The following RABEPK variants were observed in gnomAD, a reference collection of about 807,000 sequenced individuals.
RABEPK encodes Rab9 effector protein with kelch motifs, also known as 40 kDa Rab9 effector protein.
A neutral mutation model predicts 34.1 loss-of-function variants in RABEPK; 27 were observed. The ratio of observed to expected loss-of-function variants is 0.79; its 90% CI spans 0.58 to 1.09. The LOEUF is 1.09. Ranked by LOEUF, RABEPK falls within the 50% of genes least tolerant of loss-of-function variation. RABEPK has a pLI of 0.00. For missense variants in RABEPK, 449 were observed against 462.6 expected, an observed-to-expected ratio of 0.97 and a Z score of 0.27; for synonymous variants, 172 against 169.2, an observed-to-expected ratio of 1.02 and a Z score of -0.13.
At chr9:125,216,643 C>T (rs2131394495) in intron 4 of RABEPK, among the ~76,000 whole-genome samples, 1 of 152,104 alleles carries the variant, frequency 6.6e-6, no homozygotes, top group Middle Eastern at 3.4e-3. Context: ...TTGTTGAATA[C>T]TCAGGGTACA....
In RABEPK at chr9:125,206,497, C is replaced by CAA. The variant is rs34754516; in HGVS notation, c.54-1056_54-1055dup. ...TGGGCAACAGAGCGAGACTCCGTCTCAAAAAAAAAAAAGAGAGAGAGAGAT... is the reference window on the plus strand; with the variant it reads ...TGGGCAACAGAGCGAGACTCCGTCTCAAAAAAAAAAAAAAGAGAGAGAGAGAT... On this transcript the variant is annotated intron_variant, in intron 2 of 7. Coordinates refer to ENST00000373538, the MANE Select transcript of RABEPK (RefSeq NM_005833.4). Among the ~76,000 whole-genome samples, 24 of 139,838 alleles carry CAA rather than the reference C, an allele frequency of 1.7e-4. No homozygotes were observed. In the East Asian group the frequency reaches 2.5e-3, roughly 14 times the overall value. The allele number at this position is 139,838 out of a possible 152,430, so 91.7% of individuals were successfully genotyped here.
chr9:125,212,936 C>T (rs917205383), intron 3 of RABEPK, among the ~76,000 whole-genome samples: 4 of 151,818 alleles, frequency 2.6e-5, no homozygotes, highest in Admixed American at 6.6e-5. Flanking sequence ...CCAAAGTGCT[C>T]GGATTACAGG....
intron 2 of RABEPK, among the ~76,000 whole-genome samples, chr9:125,204,031 C>T (rs1374177862): frequency 1.2e-5 from 1 of 82,186 alleles, no homozygotes; most frequent in African/African-American, 4.7e-5. Flanking sequence ...GAATCCGTTT[C>T]AAAAAAAAAA....
At chr9:125,215,564 G>A (rs976335776) in intron 4 of RABEPK, among the ~76,000 whole-genome samples, 5 of 151,732 alleles carry the variant, frequency 3.3e-5, no homozygotes, top group East Asian at 1.9e-4. Context: ...TTCCTGCCTC[G>A]GCCTCCTGAA....
chr9:125,211,300 C>T (rs925067127), intron 3 of RABEPK, among the ~76,000 whole-genome samples: 2 of 151,616 alleles, frequency 1.3e-5, no homozygotes, highest in Non-Finnish European at 2.9e-5. Context: ...CAGGCACGTG[C>T]CACCATGCCC....
Position 125,213,471 on chromosome 9 carries a change from G to A in RABEPK, c.313G>A (p.Gly105Arg), listed in dbSNP as rs1830719068. 1 of 1,614,082 alleles carries A rather than the reference G, an allele frequency of 6.2e-7. No individual in the cohort carries two copies. The highest frequency in any genetic ancestry group is 8.5e-7 in the Non-Finnish European group (1 of 1,180,004). The change falls in exon 4 of 8, where the codon GGA becomes AGA. Residue 105 changes from glycine (G) to arginine (R), a missense_variant. By Grantham distance (125) the Gly-to-Arg change is moderately radical (BLOSUM62 -2). Transcript: ENST00000373538. Reference sequence around the variant, plus strand: ...CACACCTGACCGTATCTGGGTATTTGGAGGTGCCAACCAATCAGGAAATCG... The same window carrying A: ...CACACCTGACCGTATCTGGGTATTTAGAGGTGCCAACCAATCAGGAAATCG... ...SCTPDRIWVF[G>R]GANQSGNRNC...
intron 3 of RABEPK, among the ~76,000 whole-genome samples, chr9:125,210,395 C>T (rs1195527121): frequency 8.7e-6 from 1 of 115,192 alleles, no homozygotes. Context: ...CAGAGCAAGT[C>T]TCCGTCTCAA....
chr9:125,221,678 T>C (rs1166867942), intron 5 of RABEPK: 1 of 151,320 alleles, frequency 6.6e-6, no homozygotes, highest in African/African-American at 2.4e-5. Flanking sequence ...TTTTTTCTTT[T>C]TCTTTTTTTT....
chr9:125,214,954 C>A (rs1050241583), intron 4 of RABEPK, among the ~76,000 whole-genome samples: 1 of 151,948 alleles, frequency 6.6e-6, no homozygotes, highest in Non-Finnish European at 1.5e-5. Flanking sequence ...CCATGCCTGG[C>A]TAATTTTGTA....
intron 5 of RABEPK, 199 bp downstream of exon 5, chr9:125,220,899 G>GC (rs1831286916): frequency 1.6e-6 from 1 of 624,766 alleles, no homozygotes. Flanking sequence ...TGGCATGGTG[G>GC]CTCACACCTG....
At chr9:125,216,193 C>T (rs144973489) in intron 4 of RABEPK, among the ~76,000 whole-genome samples, 17 of 152,002 alleles carry the variant, frequency 1.1e-4, no homozygotes, top group African/African-American at 3.6e-4. Context: ...CTGAGGAGGG[C>T]GAGGCAGGAG....
chr9:125,223,837 A>ATAT (rs1459072400), intron 5 of RABEPK, among the ~76,000 whole-genome samples: 2 of 152,110 alleles, frequency 1.3e-5, no homozygotes, highest in Non-Finnish European at 2.9e-5. Context: ...AACAACCAGC[A>ATAT]GGCATACCAT....
At chr9:125,220,286 G>A (rs1831231523) in intron 4 of RABEPK, 23 of 1,377,026 alleles carry the variant, frequency 1.7e-5, no homozygotes, top group Non-Finnish European at 2.2e-5. Context: ...ACAGGCATGA[G>A]CCACACTGCA....
In RABEPK at chr9:125,234,035, A is replaced by G. The variant is rs1447876089; in HGVS notation, c.*55A>G. Reference sequence around the variant, plus strand: ...TACTTTCAGAATAGTTAAGTAAAACATTAGCTGTTTTATACCTCCAAAATA... The same window carrying G: ...TACTTTCAGAATAGTTAAGTAAAACGTTAGCTGTTTTATACCTCCAAAATA... On this transcript the variant is annotated 3_prime_UTR_variant, in exon 8 of 8. Transcript: ENST00000373538. 23 of 1,461,494 alleles carry G rather than the reference A, an allele frequency of 1.6e-5. No homozygotes were observed. Among genetic ancestry groups the G allele is most frequent in the Non-Finnish European group, 2.0e-5 (21 of 1,067,934 alleles). The allele number at this position is 1,461,494 out of a possible 1,614,324, so 90.5% of individuals were successfully genotyped here.
rs761662230 is a variant in RABEPK at position 125,213,446 on chromosome 9, C to T, written c.288C>T (p.Cys96=). The T allele has an allele frequency of 1.2e-6, 2 of 1,614,074 alleles. No individual in the cohort carries two copies. Among genetic ancestry groups the T allele is most frequent in the South Asian group, 1.1e-5 (1 of 91,082 alleles). ...AACATGCTAGCTTCATTCCCTCCTG[C>T]ACACCTGACCGTATCTGGGTATTTG... is the stretch of plus-strand genomic sequence containing the variant. ...RYEHASFIPS[C]TPDRIWVFGG... Residue 96 remains cysteine, a synonymous_variant, in exon 4 of 8, where the codon TGC becomes TGT. Transcript: ENST00000373538.
At chr9:125,205,761 T>G (rs148884706) in intron 2 of RABEPK, among the ~76,000 whole-genome samples, 1,784 of 152,310 alleles carry the variant, frequency 0.012, 19 homozygotes, top group Non-Finnish European at 0.016. Flanking sequence ...GTGCTGGGAT[T>G]ACAGGCGTGA....
Position 125,228,050 on chromosome 9 carries a change from A to G in RABEPK, c.667A>G (p.Ile223Val), listed in dbSNP as rs142842277. The G allele has an allele frequency of 6.3e-7, 1 of 1,577,944 alleles. No individual in the cohort carries two copies. The highest frequency in any genetic ancestry group is 1.4e-5 in the African/African-American group (1 of 73,708). Residue 223 changes from isoleucine (I) to valine (V), a missense_variant, in exon 6 of 8, where the codon ATT (isoleucine) becomes GTT (valine). Transcript: ENST00000373538. Reference sequence around the variant, plus strand: ...CAGATTCTATGATGACCTCCACTGCATTGATATAAGTAAGCAGGGCATGGG... The same window carrying G: ...CAGATTCTATGATGACCTCCACTGCGTTGATATAAGTAAGCAGGGCATGGG... ...GDRFYDDLHC[I>V]DISDMKWQKL...
chr9:125,204,956 T>G (rs1830126710), intron 2 of RABEPK, among the ~76,000 whole-genome samples: 1 of 152,144 alleles, frequency 6.6e-6, no homozygotes, highest in Non-Finnish European at 1.5e-5. Context: ...ATCTCCCAAG[T>G]AACTGGGACT....
Position 125,232,659 on chromosome 9 carries a change from C to A in RABEPK, c.740C>A (p.Ser247Ter). ...GCTCCAGCAGGCTGTGCTGCCCACT[C>A]AGCTGTGGCCATGGGAAAACATGTG... ...GAAPAGCAAH[S>*]AVAMGKHVYI... The change falls in exon 7 of 8, where the codon TCA (serine) becomes TAA (stop). Residue 247 changes from serine to a stop codon, truncating the protein, a stop_gained. Transcript: ENST00000373538. LOFTEE classifies it high-confidence loss of function. The A allele has an allele frequency of 6.2e-7, 1 of 1,614,118 alleles. No individual in the cohort carries two copies. The highest frequency in any genetic ancestry group is 8.5e-7 in the Non-Finnish European group (1 of 1,179,938).
Sources: gnomAD v4.1 joint callset for allele counts (sites outside exome capture counted in the v4.1 genomes callset) on GRCh38, gnomAD v4.1.1 for gene constraint, MANE v1.5 for transcripts, NCBI Gene and HGNC (gene_info 2026-07-23, HGNC 2026-07-21) for gene names.